Variants in NR5A2 observed in about 807,000 individuals in gnomAD.
The protein encoded by NR5A2 is nuclear receptor subfamily 5 group A member 2.
A neutral mutation model predicts 62.7 loss-of-function variants in NR5A2; 26 were observed. That is an observed-to-expected ratio of 0.41 (90% confidence interval 0.30 to 0.58). The LOEUF is 0.58. Ranked by LOEUF, NR5A2 falls within the 20% of genes least tolerant of loss-of-function variation. The pLI is 0.22. For missense variants in NR5A2, 541 were observed against 669.1 expected (o/e 0.81, Z 2.11); for synonymous variants, 246 against 241.7 (o/e 1.02, Z -0.16).
At chr1:200,070,443 A>T (rs943403294) in intron 5 of NR5A2, among the ~76,000 whole-genome samples, 1 of 152,138 alleles carries the variant, frequency 6.6e-6, no homozygotes, top group Non-Finnish European at 1.5e-5. Context: ...TAATCCCAGC[A>T]CTTTGGGATG....
chr1:200,146,699 T>C (rs982339116), intron 7 of NR5A2, among the ~76,000 whole-genome samples: 16 of 152,260 alleles, frequency 1.1e-4, no homozygotes, highest in African/African-American at 2.9e-4. Context: ...TTCAGACCTA[T>C]GGTTCTCAAA....
intron 5 of NR5A2, chr1:200,057,737 TC>T: frequency 3.9e-6 from 1 of 254,154 alleles, no homozygotes; most frequent in Non-Finnish European, 7.9e-6. Flanking sequence ...TGCCTCGGCC[TC>T]CCAAAGTGCT....
chr1:200,087,104 G>A (rs1359361170), intron 5 of NR5A2, among the ~76,000 whole-genome samples: 2 of 151,742 alleles, frequency 1.3e-5, no homozygotes, highest in Non-Finnish European at 2.9e-5. Flanking sequence ...TAGCTGAAGG[G>A]TCTTTGTTCA....
chr1:200,114,309 TG>T (rs1666116408), intron 6 of NR5A2, among the ~76,000 whole-genome samples: 4 of 119,880 alleles, frequency 3.3e-5, no homozygotes, highest in African/African-American at 1.2e-4. Flanking sequence ...CACATATATA[TG>T]ATATGAAAGT....
At chr1:200,149,279 C>A (rs573261622) in intron 7 of NR5A2, among the ~76,000 whole-genome samples, 1 of 152,302 alleles carries the variant, frequency 6.6e-6, no homozygotes, top group East Asian at 1.9e-4. Flanking sequence ...CACACATATT[C>A]AAAAGAGTGA....
rs917370371 is a variant in NR5A2, at chr1:200,038,639, G to A, written c.65-1019G>A. On this transcript the variant is annotated intron_variant, in intron 1 of 7. Transcript: ENST00000367362. ...TTTAACTCCCTTCATCTCCTCATCC[G>A]ACACACTAGCAAGGGCACACGCCCA... 21 of 1,158,102 alleles carry A rather than the reference G, an allele frequency of 1.8e-5. No individual in the cohort carries two copies. The Admixed American group carries it at 3.3e-4, about 18-fold the overall frequency. 71.7% of individuals were successfully genotyped at this position (1,158,102 alleles called of 1,614,324 possible).
chr1:200,104,897 A>G (rs932834286), intron 5 of NR5A2, among the ~76,000 whole-genome samples: 1 of 152,146 alleles, frequency 6.6e-6, no homozygotes, highest in Non-Finnish European at 1.5e-5. Context: ...TCCCGACCTC[A>G]AGTAGTCTGC....
intron 1 of NR5A2, among the ~76,000 whole-genome samples, chr1:200,032,626 T>C (rs1453618692): frequency 6.6e-6 from 1 of 152,180 alleles, no homozygotes; most frequent in Non-Finnish European, 1.5e-5. Flanking sequence ...TACAGAATGA[T>C]GAGTTTGAGT....
At chr1:200,126,938 A>T (rs1666728803) in intron 7 of NR5A2, among the ~76,000 whole-genome samples, 2 of 152,208 alleles carry the variant, frequency 1.3e-5, no homozygotes, top group African/African-American at 4.8e-5. Context: ...AAGTTGTAAC[A>T]CTAACAGTGT....
intron 5 of NR5A2, among the ~76,000 whole-genome samples, chr1:200,092,317 G>A (rs1016137423): frequency 6.6e-6 from 1 of 152,108 alleles, no homozygotes; most frequent in African/African-American, 2.4e-5. Context: ...CGCACTATAA[G>A]TTTTTGTAGT....
At chr1:200,066,250 T>C (rs1046534731) in intron 5 of NR5A2, among the ~76,000 whole-genome samples, 5 of 152,072 alleles carry the variant, frequency 3.3e-5, no homozygotes, top group African/African-American at 1.2e-4. Context: ...GAGGTAAAGC[T>C]GATAGAATTT....
chr1:200,079,248 G>A (rs1416616907), intron 5 of NR5A2, among the ~76,000 whole-genome samples: 3 of 152,172 alleles, frequency 2.0e-5, no homozygotes, highest in African/African-American at 7.2e-5. Flanking sequence ...GATCTCTGGC[G>A]ATATTTTTCT....
intron 5 of NR5A2, among the ~76,000 whole-genome samples, chr1:200,084,094 A>G (rs114902399): frequency 0.01 from 1,543 of 152,108 alleles, 30 homozygotes; most frequent in African/African-American, 0.035. Flanking sequence ...TATTAGTCGT[A>G]TGCCAGGTAA....
chr1:200,096,087 CTTTAT>C (rs1349832270), intron 5 of NR5A2, among the ~76,000 whole-genome samples: 1 of 151,720 alleles, frequency 6.6e-6, no homozygotes. Flanking sequence ...CACAATGCTG[CTTTAT>C]TTTGTTTGTT....
At position 200,039,740 on chromosome 1, in the gene NR5A2, C is replaced by G; in HGVS notation, c.147C>G (p.Ala49=). The change falls in exon 2 of 8, where the codon GCC becomes GCG. Residue 49 remains alanine (A), a synonymous_variant. Transcript: ENST00000367362. This position sits in a 1 kb window ranked among gnomAD's most constrained non-coding sequence, Gnocchi z 5.1. Reference sequence around the variant, plus strand: ...TGCTGCCCAAAGTGGAGACGGAAGCCCTGGGACTGGCTCGATCGCATGGGG... The same window carrying G: ...TGCTGCCCAAAGTGGAGACGGAAGCGCTGGGACTGGCTCGATCGCATGGGG... ...LVMLPKVETE[A]LGLARSHGEQ... 6.2e-7 allele frequency: 1 copy of G among 1,611,534 alleles called. No individual in the cohort carries two copies. The highest frequency in any genetic ancestry group is 8.5e-7 in the Non-Finnish European group (1 of 1,178,888).
intron 4 of NR5A2, among the ~76,000 whole-genome samples, chr1:200,047,602 G>GTTTTT: frequency 7.4e-6 from 1 of 134,702 alleles, no homozygotes; most frequent in African/African-American, 3.2e-5. Context: ...TGAGACAGGG[G>GTTTTT]TTTCACTCTT....
intron 7 of NR5A2, among the ~76,000 whole-genome samples, chr1:200,140,071 T>C (rs1315988549): frequency 3.3e-5 from 5 of 152,214 alleles, no homozygotes; most frequent in Admixed American, 3.3e-4. Flanking sequence ...TGCATATTAC[T>C]GAAACTTTCT....
chr1:200,075,986 G>A (rs1429665534), intron 5 of NR5A2, among the ~76,000 whole-genome samples: 1 of 151,576 alleles, frequency 6.6e-6, no homozygotes, highest in African/African-American at 2.4e-5. Context: ...TTAACAAGAA[G>A]CTAAACTCAA....
chr1:200,174,020 C>T lies in NR5A2; in HGVS notation c.1436C>T (p.Ala479Val), dbSNP rs752897392. ...GAAGGTGTCCAGGAACAAGTCAATG[C>T]CGCCCTGCTGGACTACACAATGTGT... Reference protein sequence around the residue: ...LVEGVQEQVNAALLDYTMCNY... With the variant: ...LVEGVQEQVNVALLDYTMCNY... Residue 479 changes from alanine (A) to valine (V), a missense_variant, in exon 8 of 8, where the codon GCC becomes GTC. Transcript: ENST00000367362. 10 of 1,604,534 alleles carry T rather than the reference C, an allele frequency of 6.2e-6. No homozygotes were observed. The highest frequency in any genetic ancestry group is 2.7e-5 in the African/African-American group (2 of 74,240).
Sources: gnomAD v4.1 joint callset for allele counts (sites outside exome capture counted in the v4.1 genomes callset) on GRCh38, gnomAD v4.1.1 for gene constraint, Gnocchi (gnomAD v3.1) non-coding constraint, MANE v1.5 for transcripts, NCBI Gene and HGNC (gene_info 2026-07-23, HGNC 2026-07-21) for gene names.